The following SLAIN1 variants were observed in gnomAD, a reference collection of about 807,000 sequenced individuals.
SLAIN1 encodes the protein SLAIN motif-containing protein 1.
SLAIN1 carries 17 observed loss-of-function variants against 55.4 expected under a neutral mutation model. That is an observed-to-expected ratio of 0.31 (90% CI 0.21 to 0.46). The LOEUF (loss-of-function observed/expected upper bound fraction) is 0.46. Among genes scored for constraint, SLAIN1 ranks in the 20% least tolerant of loss-of-function variants. The probability of loss-of-function intolerance (pLI) is 1.00; values close to 1 mark genes in which losing one functional copy is unlikely to be tolerated. For missense variants in SLAIN1, 682 were observed against 785.1 expected, an observed-to-expected ratio of 0.87 and a Z score of 1.57; for synonymous variants, 348 against 337.4, an observed-to-expected ratio of 1.03 and a Z score of -0.35.
At chr13:77,755,409 A>T (rs896442574) in intron 5 of SLAIN1, among the ~76,000 whole-genome samples, 1 of 152,170 alleles carries the variant, frequency 6.6e-6, no homozygotes, top group Non-Finnish European at 1.5e-5. Context: ...ACAATTAGGA[A>T]TTTTTGTTGA....
chr13:77,732,967 C>T (rs1034380868), intron 2 of SLAIN1, among the ~76,000 whole-genome samples: 2 of 152,090 alleles, frequency 1.3e-5, no homozygotes, highest in Admixed American at 6.6e-5. Flanking sequence ...GATGTGTGAT[C>T]GTGCAGTGGG....
chr13:77,698,426 G>A lies in SLAIN1; in HGVS notation c.513G>A (p.Thr171=), dbSNP rs1447770984. 14 of 1,392,134 alleles carry A rather than the reference G, an allele frequency of 1.0e-5. No individual in the cohort carries two copies. Among genetic ancestry groups the A allele is most frequent in the Admixed American group, 3.3e-5 (1 of 30,604 alleles). 86.2% of individuals were successfully genotyped at this position (1,392,134 alleles called of 1,614,324 possible). A position where few individuals can be genotyped will look rare whatever the true frequency, so the allele number is the denominator to read the frequency against. Residue 171 remains threonine (T), a synonymous_variant, in exon 1 of 7, where the codon ACG becomes ACA. Transcript: ENST00000418532. This position sits in a 1 kb window ranked among gnomAD's most constrained non-coding sequence, Gnocchi z 4.1. ...GGCCGGAGCCGGGGGGCGCGGGGAC[G>A]CCGCCAGGGGCAGCTGCAGCGCCGC... is the stretch of plus-strand genomic sequence containing the variant. ...GGGPEPGGAG[T]PPGAAAAPPS... is the part of the protein sequence containing the mutation.
intron 2 of SLAIN1, 79 bp from the exon 3 acceptor site, chr13:77,744,204 C>T: frequency 1.9e-6 from 2 of 1,059,478 alleles, no homozygotes; most frequent in South Asian, 1.3e-5. Flanking sequence ...AAATTGCTGA[C>T]TGTTTATATA....
At position 77,761,121 on chromosome 13, in the gene SLAIN1, G is replaced by A. The variant is rs148173329; in HGVS notation, c.1697+11G>A. 220 of 1,612,496 alleles carry A rather than the reference G, an allele frequency of 1.4e-4. No homozygotes were observed. The highest frequency in any genetic ancestry group is 1.3e-3 in the Middle Eastern group (8 of 6,052). ...ACAACCTGTTAGAAGGTAAGAATGTGTATTTGCGTAACTTCATTTGCAGTT... is the reference window on the plus strand; with the variant it reads ...ACAACCTGTTAGAAGGTAAGAATGTATATTTGCGTAACTTCATTTGCAGTT... On this transcript the variant is annotated intron_variant, in intron 6 of 6. Transcript: ENST00000418532.
At chr13:77,719,707 C>T (rs1231601136) in intron 2 of SLAIN1, 36 bp downstream of exon 2, 16 of 1,603,460 alleles carry the variant, frequency 1.0e-5, no homozygotes, top group African/African-American at 1.3e-5. Flanking sequence ...TTCTCCAACT[C>T]TTGTCACTCT....
At chr13:77,719,026 T>C (rs2091235321) in intron 1 of SLAIN1, among the ~76,000 whole-genome samples, 1 of 152,078 alleles carries the variant, frequency 6.6e-6, no homozygotes, top group East Asian at 1.9e-4. Flanking sequence ...ACAGGAGAAA[T>C]ATGTGATTAT....
intron 1 of SLAIN1, among the ~76,000 whole-genome samples, chr13:77,708,794 C>T (rs575605002): frequency 3.3e-5 from 5 of 152,134 alleles, no homozygotes; most frequent in East Asian, 3.9e-4. Context: ...GATAAATCCA[C>T]GAAGATGAGG....
intron 1 of SLAIN1, among the ~76,000 whole-genome samples, chr13:77,709,621 T>G (rs572645189): frequency 6.6e-6 from 1 of 152,308 alleles, no homozygotes; most frequent in East Asian, 1.9e-4. Context: ...AAGAAAAGAA[T>G]TTTCAACCCA....
chr13:77,718,801 C>T (rs576725649), intron 1 of SLAIN1, among the ~76,000 whole-genome samples: 1 of 152,072 alleles, frequency 6.6e-6, no homozygotes, highest in Non-Finnish European at 1.5e-5. Context: ...AGCCCTATCA[C>T]TGAAAATATT....
chr13:77,718,107 A>T (rs1279441), intron 1 of SLAIN1, among the ~76,000 whole-genome samples: 25,481 of 152,018 alleles, frequency 0.17, 2,534 homozygotes, highest in African/African-American at 0.29. Context: ...GGAAAAAAAA[A>T]AATATATTGG....
At chr13:77,701,250 A>G (rs536544843) in intron 1 of SLAIN1, among the ~76,000 whole-genome samples, 27 of 152,284 alleles carry the variant, frequency 1.8e-4, no homozygotes, top group Middle Eastern at 3.4e-3. Flanking sequence ...TAAAAATGTC[A>G]TAAGTTCAGG....
intron 1 of SLAIN1, among the ~76,000 whole-genome samples, chr13:77,718,715 GT>G (rs1365794562): frequency 6.6e-6 from 1 of 152,134 alleles, no homozygotes; most frequent in Non-Finnish European, 1.5e-5. Context: ...AGAGCCAGCA[GT>G]TTTGGGGAGG....
At chr13:77,728,488 C>T (rs2091328364) in intron 2 of SLAIN1, among the ~76,000 whole-genome samples, 2 of 152,156 alleles carry the variant, frequency 1.3e-5, no homozygotes, top group South Asian at 2.1e-4. Context: ...ATAGTGGAGG[C>T]CTACACAATT....
chr13:77,697,690 G>C lies in SLAIN1; in HGVS notation c.-224G>C, dbSNP rs1031057071. Among the ~76,000 whole-genome samples, 4 of 150,256 alleles carry C rather than the reference G, an allele frequency of 2.7e-5. No homozygotes were observed. Among genetic ancestry groups the C allele is most frequent in the Admixed American group, 6.6e-5 (1 of 15,136 alleles). ...CCCGGAGCCGCCGCGACGCCCAGGGGACTGGAGGGACGCACTGAGCATGTG... is the reference window on the plus strand; with the variant it reads ...CCCGGAGCCGCCGCGACGCCCAGGGCACTGGAGGGACGCACTGAGCATGTG... On this transcript the variant is annotated 5_prime_UTR_variant, in exon 1 of 7. Transcript: ENST00000418532.
At chr13:77,708,318 T>G (rs1314879291) in intron 1 of SLAIN1, among the ~76,000 whole-genome samples, 2 of 152,144 alleles carry the variant, frequency 1.3e-5, no homozygotes, top group Non-Finnish European at 2.9e-5. Context: ...AGAGTCAAGC[T>G]GGTTGGAGGA....
chr13:77,744,156 G>A, intron 2 of SLAIN1, 127 bp from the exon 3 acceptor site: 1 of 736,042 alleles, frequency 1.4e-6, no homozygotes, highest in Non-Finnish European at 2.5e-6. Flanking sequence ...ATTAAATGGT[G>A]ACATGTTGGT....
chr13:77,762,030 G>T (rs1278449693), intron 6 of SLAIN1, among the ~76,000 whole-genome samples: 2 of 152,108 alleles, frequency 1.3e-5, no homozygotes, highest in African/African-American at 2.4e-5. Flanking sequence ...GTTTTATTTT[G>T]TTTTGTTTGT....
At chr13:77,742,016 G>A (rs75010720) in intron 2 of SLAIN1, among the ~76,000 whole-genome samples, 2 of 152,018 alleles carry the variant, frequency 1.3e-5, no homozygotes, top group South Asian at 2.1e-4. Flanking sequence ...TTTGCTTAGC[G>A]CATTGATTTG....
At chr13:77,763,042 T>G (rs1875171663) in intron 6 of SLAIN1, 103 bp from the exon 7 acceptor site, 2 of 932,126 alleles carry the variant, frequency 2.1e-6, no homozygotes, top group Admixed American at 2.0e-5. Flanking sequence ...GGCTTCTCAT[T>G]ACTGCAGTGG....
Sources: allele counts gnomAD v4.1 joint callset (sites outside exome capture counted in the v4.1 genomes callset), GRCh38; gene constraint gnomAD v4.1.1; non-coding constraint Gnocchi (gnomAD v3.1); transcripts MANE v1.5; gene names NCBI Gene and HGNC (gene_info 2026-07-23, HGNC 2026-07-21).